Variants in PCGF6 observed in about 807,000 individuals in gnomAD.
PCGF6 encodes the protein polycomb group ring finger 6, also known as polycomb group RING finger protein 6.
A neutral mutation model predicts 45.5 loss-of-function variants in PCGF6; 24 were observed. That is an observed-to-expected ratio of 0.53 (90% CI 0.38 to 0.74). The LOEUF is 0.74. Ranked by LOEUF, PCGF6 falls within the 30% of genes least tolerant of loss-of-function variation. The probability of loss-of-function intolerance (pLI) is 0.00; values close to 1 mark genes in which losing one functional copy is unlikely to be tolerated. For missense variants in PCGF6, 356 were observed against 443.2 expected (o/e 0.80, Z 1.77); for synonymous variants, 152 against 162.1 (o/e 0.94, Z 0.47).
chr10:103,331,809 T>C (rs985257779), intron 7 of PCGF6, among the ~76,000 whole-genome samples: 6 of 152,230 alleles, frequency 3.9e-5, no homozygotes, highest in Non-Finnish European at 1.5e-5. Flanking sequence ...TCTCTCTTTT[T>C]TGAGACAGAG....
intron 6 of PCGF6, among the ~76,000 whole-genome samples, 157 bp from the exon 7 acceptor site, chr10:103,334,109 T>C (rs1239922882): frequency 6.6e-6 from 1 of 152,170 alleles, no homozygotes; most frequent in African/African-American, 2.4e-5. Flanking sequence ...TAATTGTCAT[T>C]TCTGCCACCT....
At chr10:103,318,656 A>T (rs1222043804) in intron 8 of PCGF6, among the ~76,000 whole-genome samples, 1 of 151,798 alleles carries the variant, frequency 6.6e-6, no homozygotes, top group African/African-American at 2.4e-5. Context: ...GAGGCAGAGA[A>T]TGGCTTGAAC....
At chr10:103,309,010 A>G (rs2093147374) in intron 9 of PCGF6, among the ~76,000 whole-genome samples, 1 of 152,176 alleles carries the variant, frequency 6.6e-6, no homozygotes, top group Non-Finnish European at 1.5e-5. Context: ...CCCAATGTTT[A>G]TACCCCCATT....
At chr10:103,308,728 C>T (rs1022753767) in intron 9 of PCGF6, among the ~76,000 whole-genome samples, 3 of 151,814 alleles carry the variant, frequency 2.0e-5, no homozygotes, top group Admixed American at 2.0e-4. Context: ...CAAAAATTAG[C>T]CAGGTTTGGT....
intron 6 of PCGF6, among the ~76,000 whole-genome samples, chr10:103,338,378 C>CA (rs1166538018): frequency 4.0e-5 from 6 of 150,470 alleles, no homozygotes; most frequent in East Asian, 2.0e-4. Flanking sequence ...CCTGTCTCTA[C>CA]AAAAAAACAA....
chr10:103,313,307 G>A (rs1296749351), intron 9 of PCGF6, among the ~76,000 whole-genome samples: 5 of 152,228 alleles, frequency 3.3e-5, no homozygotes, highest in Admixed American at 3.3e-4. Flanking sequence ...GCTCACCCCT[G>A]TAATCCCAGC....
At chr10:103,350,014 C>T (rs1006157668) in intron 1 of PCGF6, among the ~76,000 whole-genome samples, 4 of 151,332 alleles carry the variant, frequency 2.6e-5, no homozygotes, top group South Asian at 2.1e-4. Context: ...ACCTGGGAGG[C>T]GGAGGTTGCA....
chr10:103,338,902 G>A (rs2093268415), intron 6 of PCGF6, among the ~76,000 whole-genome samples: 1 of 152,030 alleles, frequency 6.6e-6, no homozygotes, highest in African/African-American at 2.4e-5. Flanking sequence ...CAATTTAGGG[G>A]AGAAATCTAA....
At chr10:103,322,717 G>C (rs138390062) in intron 8 of PCGF6, among the ~76,000 whole-genome samples, 5 of 151,956 alleles carry the variant, frequency 3.3e-5, no homozygotes, top group South Asian at 2.1e-4. Context: ...CCAGCTACCT[G>C]GGAGGCTGAG....
chr10:103,339,811 A>C (rs1592073537), intron 6 of PCGF6, among the ~76,000 whole-genome samples: 1 of 45,006 alleles, frequency 2.2e-5, no homozygotes. Flanking sequence ...CAAAAAAAAA[A>C]CACACACACA....
intron 7 of PCGF6, among the ~76,000 whole-genome samples, chr10:103,331,125 G>T (rs2093238709): frequency 6.6e-6 from 1 of 152,044 alleles, no homozygotes; most frequent in Non-Finnish European, 1.5e-5. Flanking sequence ...TGTTTTCAAT[G>T]TTTACCCATG....
chr10:103,350,293 G>A (rs1325590743), intron 1 of PCGF6, among the ~76,000 whole-genome samples: 1 of 150,864 alleles, frequency 6.6e-6, no homozygotes, highest in East Asian at 2.0e-4. Context: ...TGTTTAATTA[G>A]CCCGGCGTGG....
intron 8 of PCGF6, among the ~76,000 whole-genome samples, chr10:103,320,214 AT>A (rs2093191935): frequency 1.3e-5 from 2 of 152,170 alleles, no homozygotes; most frequent in African/African-American, 4.8e-5. Flanking sequence ...TCTAAATTTC[AT>A]CTCATAAAAG....
intron 8 of PCGF6, 90 bp downstream of exon 8, chr10:103,326,444 T>G (rs2093218937): frequency 4.6e-6 from 3 of 649,474 alleles, no homozygotes; most frequent in Middle Eastern, 4.9e-4. Flanking sequence ...ATAACAAAAA[T>G]AATTGCATGA....
chr10:103,335,020 GT>G (rs1332108549), intron 6 of PCGF6, among the ~76,000 whole-genome samples: 1 of 152,236 alleles, frequency 6.6e-6, no homozygotes, highest in South Asian at 2.1e-4. Flanking sequence ...GATTAGACAA[GT>G]TCACAATTCC....
intron 6 of PCGF6, among the ~76,000 whole-genome samples, chr10:103,343,405 C>T (rs1248659315): frequency 6.6e-6 from 1 of 151,800 alleles, no homozygotes; most frequent in East Asian, 1.9e-4. Flanking sequence ...CCAAGAAAGG[C>T]ATTTTAGTTT....
intron 6 of PCGF6, among the ~76,000 whole-genome samples, chr10:103,334,504 A>G (rs1261497106): frequency 6.6e-6 from 1 of 152,162 alleles, no homozygotes; most frequent in Admixed American, 6.6e-5. Flanking sequence ...CCCCACATTT[A>G]GCATCCTAAC....
chr10:103,340,007 C>CAAAAAAAAA (rs60211186), intron 6 of PCGF6, among the ~76,000 whole-genome samples: 273 of 58,044 alleles, frequency 4.7e-3, no homozygotes, highest in African/African-American at 5.3e-3. Flanking sequence ...ACTAAAAATA[C>CAAAAAAAAA]AAAAAAAAAA....
chr10:103,326,792 ACATAT>A (rs1353057426), intron 7 of PCGF6, among the ~76,000 whole-genome samples, 160 bp from the exon 8 acceptor site: 3 of 152,224 alleles, frequency 2.0e-5, no homozygotes, highest in Non-Finnish European at 4.4e-5. Flanking sequence ...AAGTTAATAC[ACATAT>A]CAGAGAAGAA....
Sources: allele counts gnomAD v4.1 joint callset (sites outside exome capture counted in the v4.1 genomes callset), GRCh38; gene constraint gnomAD v4.1.1; transcripts MANE v1.5; gene names NCBI Gene and HGNC (gene_info 2026-07-23, HGNC 2026-07-21).